The following KIF3C variants were observed in gnomAD, a reference collection of about 807,000 sequenced individuals.
KIF3C encodes the protein kinesin family member 3C, also known as kinesin-like protein KIF3C.
KIF3C carries 12 observed loss-of-function variants against 67.7 expected under a neutral mutation model. The ratio of observed to expected loss-of-function variants is 0.18; its 90% CI spans 0.11 to 0.29. The LOEUF (loss-of-function observed/expected upper bound fraction) is 0.29, where lower values mean the gene tolerates loss of function less well. KIF3C is among the 10% of genes least tolerant of loss of function. KIF3C has a pLI of 1.00. For synonymous variants in KIF3C, 393 were observed against 426.2 expected (o/e 0.92, Z 0.96); for missense variants, 789 against 1,059.6 (o/e 0.74, Z 3.55).
chr2:25,954,400 G>A lies in KIF3C; in HGVS notation c.1771-15C>T, dbSNP rs780375622. The stretch of plus-strand genomic sequence containing the variant: ...TTGGCGTAGAGCTGGGTGGGGACAG[G>A]TGCCACTCAGAGGCTGCTTGGTGTG... On this transcript the variant is annotated splice_polypyrimidine_tract_variant and intron_variant, in intron 3 of 7. Transcript: ENST00000264712. 1.9e-6 allele frequency: 3 copies of A among 1,599,148 alleles called. No homozygotes were observed. In the Admixed American group the frequency reaches 5.0e-5, roughly 27 times the overall value.
Position 25,951,841 on chromosome 2 carries a change from G to C in KIF3C, c.1954C>G (p.Leu652Val), listed in dbSNP as rs1264964437. The change falls in exon 5 of 8, where the codon CTG becomes GTG. Residue 652 changes from leucine (L) to valine (V), a missense_variant. This residue lies in a region of KIF3C where 648 missense variants were observed against 807.8 expected (regional missense o/e 0.80). Transcript: ENST00000264712. Reference sequence around the variant, plus strand: ...TTCCACTGCTCCTCCTCACAGTCCAGGAAAAGCCGGTTCATGATCTTGTTC... The same window carrying C: ...TTCCACTGCTCCTCCTCACAGTCCACGAAAAGCCGGTTCATGATCTTGTTC... ...EKNKIMNRLFLDCEEEQWKFQ... is the reference protein window; with the variant it reads ...EKNKIMNRLFVDCEEEQWKFQ... 1 of 1,614,098 alleles carries C rather than the reference G, an allele frequency of 6.2e-7. No individual in the cohort carries two copies. The highest frequency in any genetic ancestry group is 1.1e-5 in the South Asian group (1 of 91,086).
intron 2 of KIF3C, 31 bp downstream of exon 2, chr2:25,956,312 T>A (rs751797016): frequency 6.5e-7 from 1 of 1,545,402 alleles, no homozygotes; most frequent in Non-Finnish European, 8.9e-7. Flanking sequence ...GGCCACACTC[T>A]CCAAGGGGAC....
chr2:25,944,791 C>T (rs1269423772), intron 5 of KIF3C, among the ~76,000 whole-genome samples: 6 of 152,116 alleles, frequency 3.9e-5, no homozygotes, highest in African/African-American at 7.2e-5. Context: ...ACCATAATTT[C>T]GGAAAACCTT....
In KIF3C at chr2:25,938,053, C is replaced by T. The variant is rs193077278; in HGVS notation, c.2007-7990G>A. Among the ~76,000 whole-genome samples the T allele has an allele frequency of 5.2e-3, 735 of 142,186 alleles. 7 individuals are homozygous for T. The highest frequency in any genetic ancestry group is 0.018 in the African/African-American group (711 of 38,702). The allele number at this position is 142,186 out of a possible 152,430, so 93.3% of individuals were successfully genotyped here. The stretch of plus-strand genomic sequence containing the variant: ...TGGGTGACAGAGCGAGACTCTGTCT[C>T]AAAAAAAAAAAATTATTATTATTTT... On this transcript the variant is annotated intron_variant, in intron 5 of 7. Transcript: ENST00000264712.
At chr2:25,978,318 G>A (rs1664469001) in intron 1 of KIF3C, among the ~76,000 whole-genome samples, 1 of 152,138 alleles carries the variant, frequency 6.6e-6, no homozygotes, top group South Asian at 2.1e-4. Context: ...GTTGTTGGGA[G>A]GATCGAATGA....
rs1160474959 is a variant in KIF3C at position 25,951,866 on chromosome 2, C to G, written c.1929G>C (p.Lys643Asn). The change falls in exon 5 of 8, where the codon AAG becomes AAC. Residue 643 changes from lysine (K) to asparagine (N), a missense_variant. By Grantham distance (94) the Lys-to-Asn change is moderately conservative. This residue lies in a region of KIF3C where 648 missense variants were observed against 807.8 expected (regional missense o/e 0.80). Transcript: ENST00000264712. The stretch of plus-strand genomic sequence containing the variant: ...GGAAAAGCCGGTTCATGATCTTGTT[C>G]TTCTCCTCCGGCGGGATGAAGTTCT... Reference protein sequence around the residue: ...IIENFIPPEEKNKIMNRLFLD... With the variant: ...IIENFIPPEENNKIMNRLFLD... 1.9e-6 allele frequency: 3 copies of G among 1,614,096 alleles called. No individual in the cohort carries two copies. The highest frequency in any genetic ancestry group is 3.3e-5 in the Admixed American group (2 of 60,016).
chr2:25,945,819 A>G (rs1289997369), intron 5 of KIF3C, among the ~76,000 whole-genome samples: 2 of 152,132 alleles, frequency 1.3e-5, no homozygotes, highest in African/African-American at 2.4e-5. Flanking sequence ...TTTAAAGCAA[A>G]TAGTTTTTGG....
In KIF3C at chr2:25,955,751, G is replaced by T; in HGVS notation, c.1648-88C>A. ...CTCAGGGGACTGGCTCACTCTGCCT[G>T]TCTCGGGACCTGGCTTCACCATGGC... On this transcript the variant is annotated intron_variant, in intron 2 of 7. Transcript: ENST00000264712. This position sits in a 1 kb window ranked among gnomAD's most constrained non-coding sequence, Gnocchi z 5.0. 2 of 1,503,674 alleles carry T rather than the reference G, an allele frequency of 1.3e-6. No homozygotes were observed. The highest frequency in any genetic ancestry group is 1.8e-6 in the Non-Finnish European group (2 of 1,099,470). The allele number at this position is 1,503,674 out of a possible 1,614,324, so 93.1% of individuals were successfully genotyped here.
chr2:25,934,942 T>A lies in KIF3C; in HGVS notation c.2007-4879A>T, dbSNP rs570960665. 3.4e-4 allele frequency among the ~76,000 whole-genome samples: 46 copies of A among 135,322 alleles called. 1 individual carries two copies. Among genetic ancestry groups the A allele is most frequent in the African/African-American group, 8.0e-4 (29 of 36,236 alleles). 88.8% of individuals were successfully genotyped at this position (135,322 alleles called of 152,430 possible). A position where few individuals can be genotyped will look rare whatever the true frequency, so the allele number is the denominator to read the frequency against. ...CAGAGCGAAGATCCCAGCTCTAATT[T>A]AAAAAAAAAAAAAGTTTATGGCCAG... is the stretch of plus-strand genomic sequence containing the variant. On this transcript the variant is annotated intron_variant, in intron 5 of 7. Coordinates refer to ENST00000264712, the MANE Select transcript of KIF3C (RefSeq NM_002254.8).
chr2:25,947,505 C>A (rs537666127), intron 5 of KIF3C, among the ~76,000 whole-genome samples: 1 of 151,264 alleles, frequency 6.6e-6, no homozygotes, highest in Non-Finnish European at 1.5e-5. Context: ...GGCGTGAACC[C>A]GGGAGGTGGA....
intron 5 of KIF3C, among the ~76,000 whole-genome samples, chr2:25,934,533 G>C (rs1262974895): frequency 6.6e-6 from 1 of 151,496 alleles, no homozygotes; most frequent in Non-Finnish European, 1.5e-5. Flanking sequence ...GAGCCGACTC[G>C]CACCCCACTG....
intron 5 of KIF3C, among the ~76,000 whole-genome samples, chr2:25,940,477 G>A (rs1020046763): frequency 7.9e-5 from 12 of 151,178 alleles, no homozygotes; most frequent in Admixed American, 4.6e-4. Flanking sequence ...AGGCTGAGGC[G>A]GAAGAATCGC....
intron 1 of KIF3C, among the ~76,000 whole-genome samples, chr2:25,965,596 CG>C (rs1559556278): frequency 6.6e-6 from 1 of 151,562 alleles, no homozygotes; most frequent in African/African-American, 2.4e-5. Flanking sequence ...CCCAAATAGC[CG>C]CATGAGCCAC....
intron 3 of KIF3C, among the ~76,000 whole-genome samples, chr2:25,954,932 C>T (rs1014384408): frequency 6.6e-6 from 1 of 152,202 alleles, no homozygotes; most frequent in Non-Finnish European, 1.5e-5. Context: ...TCCGTGGTAA[C>T]TGCCACAGTG....
At chr2:25,936,069 A>G (rs1663113183) in intron 5 of KIF3C, among the ~76,000 whole-genome samples, 1 of 152,004 alleles carries the variant, frequency 6.6e-6, no homozygotes, top group South Asian at 2.1e-4. Flanking sequence ...CCTGGACAAC[A>G]GAGTGAGACT....
intron 5 of KIF3C, among the ~76,000 whole-genome samples, chr2:25,948,220 G>A (rs1559551288): frequency 6.6e-6 from 1 of 151,482 alleles, no homozygotes; most frequent in Non-Finnish European, 1.5e-5. Context: ...GATAGACTCT[G>A]TCTCAAAAAT....
intron 5 of KIF3C, among the ~76,000 whole-genome samples, chr2:25,945,088 A>C (rs1205837341): frequency 6.6e-6 from 1 of 151,712 alleles, no homozygotes; most frequent in Non-Finnish European, 1.5e-5. Flanking sequence ...CCGAGATCAC[A>C]CCATTGCACT....
Position 25,981,077 on chromosome 2 carries a change from C to T in KIF3C, c.841G>A (p.Gly281Ser), listed in dbSNP as rs777299489. ...TCCTTAGGCCTCTCTCCACCAGCAC[C>T]ACCACCACTGCCTCCACCGCCACCA... is the stretch of plus-strand genomic sequence containing the variant. Reference protein sequence around the residue: ...GGGGGGGSGGGAGGERPKEAS... With the variant: ...GGGGGGGSGGSAGGERPKEAS... Residue 281 changes from glycine (G) to serine (S), a missense_variant, in exon 1 of 8, where the codon GGT (glycine) becomes AGT (serine). Around this residue, in one of 2 missense-constraint regions of KIF3C, gnomAD observed 648 missense variants for 807.8 expected, o/e 0.80. Coordinates refer to ENST00000264712, the MANE Select transcript of KIF3C (RefSeq NM_002254.8). The surrounding 1 kb of genome is among the most constrained non-coding windows in gnomAD (Gnocchi z 8.2). The T allele has an allele frequency of 1.2e-6, 2 of 1,614,170 alleles. No individual in the cohort carries two copies. Among genetic ancestry groups the T allele is most frequent in the East Asian group, 4.5e-5 (2 of 44,884 alleles).
rs112554362 is a variant in KIF3C, at chr2:25,955,618, C to T, written c.1693G>A (p.Glu565Lys). 2.5e-6 allele frequency: 4 copies of T among 1,614,122 alleles called. No homozygotes were observed. Among genetic ancestry groups the T allele is most frequent in the Non-Finnish European group, 3.4e-6 (4 of 1,180,002 alleles). ...GTGCCCCGGAGCTCCATAGTCTCCT[C>T]GTCCCGGAGCATCATCTCCTGCTGC... ...EMQQEMMLRD[E>K]ETMELRGTYT... Residue 565 changes from glutamate (E) to lysine (K), a missense_variant, in exon 3 of 8, where the codon GAG becomes AAG. By Grantham distance (56) the Glu-to-Lys change is moderately conservative (BLOSUM62 1). Coordinates refer to ENST00000264712, the MANE Select transcript of KIF3C (RefSeq NM_002254.8). The surrounding 1 kb of genome is among the most constrained non-coding windows in gnomAD (Gnocchi z 5.0).
Sources: allele counts gnomAD v4.1 joint callset (sites outside exome capture counted in the v4.1 genomes callset), GRCh38; gene constraint gnomAD v4.1.1; regional missense constraint gnomAD v4.1.1; non-coding constraint Gnocchi (gnomAD v3.1); transcripts MANE v1.5; gene names NCBI Gene and HGNC (gene_info 2026-07-23, HGNC 2026-07-21).